Variants in AGAP3 observed in about 807,000 individuals in gnomAD.
AGAP3 encodes ArfGAP with GTPase domain, ankyrin repeat and PH domain 3.
Under a neutral mutation model 96.9 loss-of-function variants are expected in AGAP3, and 24 were observed. The observed-to-expected ratio is 0.25, with a 90% CI of 0.18 to 0.35. The LOEUF (loss-of-function observed/expected upper bound fraction) is 0.35, where lower values mean the gene tolerates loss of function less well. AGAP3 is among the 10% of genes least tolerant of loss of function. The pLI, the probability that AGAP3 is intolerant of heterozygous loss-of-function variation, is 1.00. For synonymous variants in AGAP3, 563 were observed against 536.1 expected (o/e 1.05, Z -0.69); for missense variants, 876 against 1,254.2 (o/e 0.70, Z 4.55).
chr7:151,108,538 C>T lies in AGAP3; in HGVS notation c.332-8255C>T, dbSNP rs1311210167. Among the ~76,000 whole-genome samples the T allele has an allele frequency of 1.3e-5, 2 of 152,202 alleles. No homozygotes were observed. Among genetic ancestry groups the T allele is most frequent in the African/African-American group, 2.4e-5 (1 of 41,446 alleles). ...AGCTCTCAGACCGACATCCTGACCT[C>T]TGGAGATGGGGCAGAATCCCCGGGC... On this transcript the variant is annotated intron_variant, in intron 1 of 17. Transcript: ENST00000397238. This position sits in a 1 kb window ranked among gnomAD's most constrained non-coding sequence, Gnocchi z 4.2.
In AGAP3 at chr7:151,114,303, G is replaced by A. The variant is rs573213677; in HGVS notation, c.332-2490G>A. Among the ~76,000 whole-genome samples the A allele has an allele frequency of 1.5e-4, 23 of 152,358 alleles. 1 individual carries two copies. The South Asian group carries it at 4.8e-3, about 32-fold the overall frequency. On this transcript the variant is annotated intron_variant, in intron 1 of 17. Transcript: ENST00000397238. This position sits in a 1 kb window ranked among gnomAD's most constrained non-coding sequence, Gnocchi z 4.4. The stretch of plus-strand genomic sequence containing the variant: ...TCTCACTCAGGCTTGTCATACTTCT[G>A]GGCCTCATGTTCTTGGCTCTTCTGG...
At chr7:151,127,568 TGGG>T (rs1166385816) in intron 9 of AGAP3, among the ~76,000 whole-genome samples, 1 of 152,136 alleles carries the variant, frequency 6.6e-6, no homozygotes, top group African/African-American at 2.4e-5. Flanking sequence ...TTTTGGAGGA[TGGG>T]GGGCCATGGA....
chr7:151,115,796 G>A (rs1799548014), intron 1 of AGAP3, among the ~76,000 whole-genome samples: 1 of 152,156 alleles, frequency 6.6e-6, no homozygotes, highest in Admixed American at 6.5e-5. Context: ...TGGGGTCTTC[G>A]GCAGTGGCCG....
At position 151,126,442 on chromosome 7, in the gene AGAP3, G is replaced by A. The variant is rs375048194; in HGVS notation, c.1222-2138G>A. ...TGGGAGAGGCTGGGAGAGGCTGGGA[G>A]AGGCTGGGAGAGGCTGGGAGAGGGA... On this transcript the variant is annotated intron_variant, in intron 9 of 17. Coordinates refer to ENST00000397238, the MANE Select transcript of AGAP3 (RefSeq NM_031946.7). 6.7e-5 allele frequency among the ~76,000 whole-genome samples: 10 copies of A among 148,862 alleles called. No homozygotes were observed. In the South Asian group the frequency reaches 1.1e-3, roughly 16 times the overall value.
chr7:151,123,472 C>G, intron 8 of AGAP3: 1 of 1,178,118 alleles, frequency 8.5e-7, no homozygotes, highest in Non-Finnish European at 1.1e-6. Context: ...GACCAGCAGC[C>G]CCACCGTCCA....
chr7:151,138,361 C>G (rs1256581056), intron 12 of AGAP3, 48 bp downstream of exon 12: 1 of 1,556,262 alleles, frequency 6.4e-7, no homozygotes, highest in Admixed American at 1.8e-5. Flanking sequence ...GCCCCAGTGA[C>G]AGAGAGGAGG....
intron 9 of AGAP3, 197 bp from the exon 10 acceptor site, chr7:151,128,383 G>A (rs1800266564): frequency 3.6e-6 from 2 of 558,046 alleles, no homozygotes; most frequent in South Asian, 4.3e-5. Flanking sequence ...GATGATGGGG[G>A]AGAGCCGAGT....
intron 8 of AGAP3, chr7:151,123,000 ACGCTGCAGG>A: frequency 7.1e-7 from 1 of 1,410,482 alleles, no homozygotes; most frequent in Non-Finnish European, 9.2e-7. Flanking sequence ...GCCCGGCCGG[ACGCTGCAGG>A]CTCGCTGCAT....
At chr7:151,138,915 C>T (rs1456575592) in intron 12 of AGAP3, among the ~76,000 whole-genome samples, 1 of 152,186 alleles carries the variant, frequency 6.6e-6, no homozygotes, top group Non-Finnish European at 1.5e-5. Flanking sequence ...GGTGACTCCA[C>T]CGCCTCTCCC....
Position 151,128,639 on chromosome 7 carries a change from G to T in AGAP3, c.1281G>T (p.Val427=), listed in dbSNP as rs374992915. Residue 427 remains valine (V), a synonymous_variant, in exon 10 of 18, where the codon GTG becomes GTT. Coordinates refer to ENST00000397238, the MANE Select transcript of AGAP3 (RefSeq NM_031946.7). ...ACAAGGAGTGGAAGAAGAAGTATGTGACGCTCTGTGACAACGGGCTGCTCA... is the reference window on the plus strand; with the variant it reads ...ACAAGGAGTGGAAGAAGAAGTATGTTACGCTCTGTGACAACGGGCTGCTCA... The part of the protein sequence containing the change: ...SLNKEWKKKY[V]TLCDNGLLTY... The T allele has an allele frequency of 1.9e-6, 3 of 1,613,706 alleles. No homozygotes were observed. In the African/African-American group the frequency reaches 4.0e-5, roughly 22 times the overall value.
intron 1 of AGAP3, 24 bp downstream of exon 1, chr7:151,087,096 G>C (rs1248526649): frequency 1.3e-6 from 2 of 1,570,574 alleles, no homozygotes; most frequent in Non-Finnish European, 1.7e-6. Flanking sequence ...GGGGCTGCGG[G>C]AGCCGGGGCG....
chr7:151,106,913 G>A (rs1318178605), intron 1 of AGAP3, among the ~76,000 whole-genome samples: 1 of 152,160 alleles, frequency 6.6e-6, no homozygotes, highest in African/African-American at 2.4e-5. Flanking sequence ...ACCTTCGCAC[G>A]TCTGCACCTG....
Position 151,114,645 on chromosome 7 carries a change from G to A in AGAP3, c.332-2148G>A, listed in dbSNP as rs930887746. 75 of 896,744 alleles carry A rather than the reference G, an allele frequency of 8.4e-5. No individual in the cohort carries two copies. The highest frequency in any genetic ancestry group is 5.5e-4 in the Middle Eastern group (1 of 1,816). 55.5% of individuals were successfully genotyped at this position (896,744 alleles called of 1,614,324 possible). A position where few individuals can be genotyped will look rare whatever the true frequency, so the allele number is the denominator to read the frequency against. On this transcript the variant is annotated intron_variant, in intron 1 of 17. Transcript: ENST00000397238. This position sits in a 1 kb window ranked among gnomAD's most constrained non-coding sequence, Gnocchi z 4.4. ...GCCGGCCGCGAGGTGGAGGAGTTGA[G>A]GGACTCGGTCGGCCCACACCAGGTG...
rs1336004126 is a variant in AGAP3, at chr7:151,107,916, G to A, written c.332-8877G>A. On this transcript the variant is annotated intron_variant, in intron 1 of 17. Transcript: ENST00000397238. ...TGGAGCCCCCACCGTCCCACCCTGTGGTGGTGGCCCACCTCCTGCCCCCAC... is the reference window on the plus strand; with the variant it reads ...TGGAGCCCCCACCGTCCCACCCTGTAGTGGTGGCCCACCTCCTGCCCCCAC... Among the ~76,000 whole-genome samples, 7 of 152,250 alleles carry A rather than the reference G, an allele frequency of 4.6e-5. No homozygotes were observed. In the East Asian group the frequency reaches 1.3e-3, roughly 29 times the overall value.
At chr7:151,090,486 C>A (rs940497841) in intron 1 of AGAP3, 1 of 148,476 alleles carries the variant, frequency 6.7e-6, no homozygotes, top group African/African-American at 2.5e-5. Flanking sequence ...CACTCACTTT[C>A]ATTCAGTTCA....
In AGAP3 at chr7:151,141,795, CA is replaced by C; in HGVS notation, c.1805-102del. On this transcript the variant is annotated intron_variant, in intron 13 of 17. Coordinates refer to ENST00000397238, the MANE Select transcript of AGAP3 (RefSeq NM_031946.7). This position sits in a 1 kb window ranked among gnomAD's most constrained non-coding sequence, Gnocchi z 4.2. ...AGCTGGGGAAGGGTCTAGGGGAGGA[CA>C]CTTGCCAGTGGAGCAGGGTAGTGAG... 6.7e-7 allele frequency: 1 copy of C among 1,482,854 alleles called. No individual in the cohort carries two copies. Among genetic ancestry groups the C allele is most frequent in the Non-Finnish European group, 9.4e-7 (1 of 1,066,464 alleles). The allele number at this position is 1,482,854 out of a possible 1,614,324, so 91.9% of individuals were successfully genotyped here. A position where few individuals can be genotyped will look rare whatever the true frequency, so the allele number is the denominator to read the frequency against.
In AGAP3 at chr7:151,114,541, G is replaced by GGGGCC; in HGVS notation, c.332-2252_332-2251insGGGCC. On this transcript the variant is annotated intron_variant, in intron 1 of 17. Transcript: ENST00000397238. The surrounding 1 kb of genome is among the most constrained non-coding windows in gnomAD (Gnocchi z 4.4). ...GCCGGCTCCCCCGCGCCGCGCCGCC[G>GGGGCC]TTCCCGGGCGTTCCAGGCCAGACTT... 4.3e-6 allele frequency: 1 copy of GGGGCC among 234,048 alleles called. No individual in the cohort carries two copies. The highest frequency in any genetic ancestry group is 7.0e-6 in the Non-Finnish European group (1 of 142,516). The allele number at this position is 234,048 out of a possible 1,614,324, so 14.5% of individuals were successfully genotyped here. A position where few individuals can be genotyped will look rare whatever the true frequency, so the allele number is the denominator to read the frequency against.
rs1798622783 is a variant in AGAP3 at position 151,096,832 on chromosome 7, G to A, written c.331+9760G>A. Among the ~76,000 whole-genome samples the A allele has an allele frequency of 1.3e-5, 2 of 151,874 alleles. No individual in the cohort carries two copies. Among genetic ancestry groups the A allele is most frequent in the Non-Finnish European group, 2.9e-5 (2 of 68,006 alleles). ...CTTGCTTTGTTTCCCAGGCTGGAGT[G>A]TAGTGGTATGATCTCAGCTCACTGC... On this transcript the variant is annotated intron_variant, in intron 1 of 17. Transcript: ENST00000397238. This position sits in a 1 kb window ranked among gnomAD's most constrained non-coding sequence, Gnocchi z 4.4.
In AGAP3 at chr7:151,118,602, C is replaced by A; in HGVS notation, c.939C>A (p.Ala313=). The A allele has an allele frequency of 6.2e-7, 1 of 1,613,882 alleles. No homozygotes were observed. The highest frequency in any genetic ancestry group is 8.5e-7 in the Non-Finnish European group (1 of 1,180,020). The change falls in exon 7 of 18, where the codon GCC becomes GCA. Residue 313 remains alanine, a synonymous_variant. Coordinates refer to ENST00000397238, the MANE Select transcript of AGAP3 (RefSeq NM_031946.7). The surrounding 1 kb of genome is among the most constrained non-coding windows in gnomAD (Gnocchi z 6.1). ...PNSPSHSAVS[A]ASIPAVHINQ... ...CGCCCAGCCACTCGGCCGTGTCCGC[C>A]GCCTCCATCCCGGCCGTGCACATCA...
Sources: allele counts gnomAD v4.1 joint callset (sites outside exome capture counted in the v4.1 genomes callset), GRCh38; gene constraint gnomAD v4.1.1; non-coding constraint Gnocchi (gnomAD v3.1); transcripts MANE v1.5; gene names NCBI Gene and HGNC (gene_info 2026-07-23, HGNC 2026-07-21).